Variants in IL16 observed in about 807,000 individuals in gnomAD.
The protein encoded by IL16 is interleukin 16.
In IL16, 67 loss-of-function variants were observed where a neutral mutation model predicts 110.1. That is an observed-to-expected ratio of 0.61 (90% CI 0.50 to 0.75). The LOEUF is 0.75. Among genes scored for constraint, IL16 ranks in the 30% least tolerant of loss-of-function variants. The pLI is 0.00. For missense variants in IL16, 1,545 were observed against 1,655.0 expected (o/e 0.93, Z 1.15); for synonymous variants, 689 against 662.9 (o/e 1.04, Z -0.61).
In IL16 at chr15:81,279,642, C is replaced by T. The variant is rs759681017; in HGVS notation, c.949C>T (p.Leu317=). 1 of 1,614,262 alleles carries T rather than the reference C, an allele frequency of 6.2e-7. No homozygotes were observed. Among genetic ancestry groups the T allele is most frequent in the Non-Finnish European group, 8.5e-7 (1 of 1,180,046 alleles). ...PSLCSHLSPP[L]CRSLSSSTCI... ...CCTGTGCAGCCACCTGTCTCCCCCA[C>T]TGTGCCGCTCCCTGAGCTCCAGCAC... The change falls in exon 8 of 19, where the codon CTG becomes TTG. Residue 317 remains leucine, a synonymous_variant. Transcript: ENST00000683961.
intron 3 of IL16, 134 bp from the exon 4 acceptor site, chr15:81,265,525 C>T (rs957204290): frequency 9.0e-5 from 82 of 912,574 alleles, no homozygotes; most frequent in Non-Finnish European, 1.3e-4. Context: ...CCCCACCACG[C>T]ACCTGGCACA....
intron 11 of IL16, among the ~76,000 whole-genome samples, chr15:81,291,625 G>C (rs1051226009): frequency 2.0e-5 from 3 of 152,088 alleles, no homozygotes; most frequent in Non-Finnish European, 2.9e-5. Flanking sequence ...TTTAGGAAAG[G>C]GGCACCCTTG....
intron 2 of IL16, among the ~76,000 whole-genome samples, chr15:81,227,413 A>C (rs1896824913): frequency 1.3e-5 from 2 of 152,194 alleles, no homozygotes; most frequent in African/African-American, 4.8e-5. Flanking sequence ...CAAGGACCTG[A>C]ATGAAGTGGA....
chr15:81,246,374 A>G (rs1000702962), intron 2 of IL16, among the ~76,000 whole-genome samples: 9 of 152,010 alleles, frequency 5.9e-5, no homozygotes, highest in African/African-American at 1.2e-4. Flanking sequence ...TTACTTTTCT[A>G]TTCTCTCTTT....
intron 1 of IL16, among the ~76,000 whole-genome samples, chr15:81,189,836 C>A (rs566824047): frequency 7.2e-5 from 11 of 152,338 alleles, no homozygotes; most frequent in Non-Finnish European, 1.0e-4. Context: ...CTTATTGAGT[C>A]AGTCATGTCA....
chr15:81,292,054 TG>T, intron 11 of IL16: 2 of 444,332 alleles, frequency 4.5e-6, no homozygotes, highest in South Asian at 3.1e-5. Flanking sequence ...AGGACGGAGC[TG>T]AGGTGCACAC....
chr15:81,209,843 A>T (rs1447948646), intron 1 of IL16, among the ~76,000 whole-genome samples: 1 of 152,140 alleles, frequency 6.6e-6, no homozygotes, highest in African/African-American at 2.4e-5. Context: ...GGCTCCAGCA[A>T]TGCCATGGTT....
Position 81,303,373 on chromosome 15 carries a change from G to T in IL16, c.3319-176G>T. On this transcript the variant is annotated intron_variant, in intron 15 of 18. Coordinates refer to ENST00000683961, the MANE Select transcript of IL16 (RefSeq NM_172217.5). This position sits in a 1 kb window ranked among gnomAD's most constrained non-coding sequence, Gnocchi z 4.1. ...TTTTTTTTTCTTCTAAGCTTCCCAT[G>T]ACTCCTGAAGGTCCATTCTTTACAG... is the stretch of plus-strand genomic sequence containing the variant. 3.5e-6 allele frequency: 2 copies of T among 570,470 alleles called. No individual in the cohort carries two copies. Among genetic ancestry groups the T allele is most frequent in the Non-Finnish European group, 6.3e-6 (2 of 317,672 alleles). 35.3% of individuals were successfully genotyped at this position (570,470 alleles called of 1,614,324 possible). A position where few individuals can be genotyped will look rare whatever the true frequency, so the allele number is the denominator to read the frequency against.
In IL16 at chr15:81,279,668, T is replaced by G. The variant is rs1899081015; in HGVS notation, c.975T>G (p.Thr325=). The change falls in exon 8 of 19, where the codon ACT becomes ACG. Residue 325 remains threonine, a synonymous_variant. Coordinates refer to ENST00000683961, the MANE Select transcript of IL16 (RefSeq NM_172217.5). ...PPLCRSLSSS[T]CITKDSSSFA... ...TGTGCCGCTCCCTGAGCTCCAGCACTTGTATCACCAAGGACAGCAGCTCCT... is the reference window on the plus strand; with the variant it reads ...TGTGCCGCTCCCTGAGCTCCAGCACGTGTATCACCAAGGACAGCAGCTCCT... The G allele has an allele frequency of 6.2e-7, 1 of 1,614,116 alleles. No homozygotes were observed. Among genetic ancestry groups the G allele is most frequent in the Non-Finnish European group, 8.5e-7 (1 of 1,180,046 alleles).
chr15:81,307,575 A>G (rs1308481739), intron 18 of IL16, among the ~76,000 whole-genome samples: 1 of 152,210 alleles, frequency 6.6e-6, no homozygotes, highest in Non-Finnish European at 1.5e-5. Context: ...GTCAATTTGG[A>G]AGGAGCATTG....
chr15:81,215,995 G>C (rs765324780), intron 1 of IL16, among the ~76,000 whole-genome samples: 16 of 152,250 alleles, frequency 1.1e-4, no homozygotes, highest in Non-Finnish European at 1.9e-4. Flanking sequence ...ACCTGCTCCT[G>C]CAGGGTGGCT....
At chr15:81,226,122 T>G (rs943130918) in intron 2 of IL16, among the ~76,000 whole-genome samples, 2 of 152,218 alleles carry the variant, frequency 1.3e-5, no homozygotes, top group Admixed American at 6.5e-5. Context: ...GGAGGCCTTA[T>G]GGCAAGCAAG....
At chr15:81,192,533 A>G (rs1895514331), upstream of IL16, among the ~76,000 whole-genome samples, 1 of 152,186 alleles carries the variant, frequency 6.6e-6, no homozygotes, top group South Asian at 2.1e-4. Flanking sequence ...TGCTTGAGCC[A>G]GGAGTTTAAG....
chr15:81,296,923 C>G lies in IL16; in HGVS notation c.1903-5C>G, dbSNP rs759090105. The G allele has an allele frequency of 3.1e-6, 5 of 1,605,756 alleles. No individual in the cohort carries two copies. Among genetic ancestry groups the G allele is most frequent in the Non-Finnish European group, 4.3e-6 (5 of 1,175,768 alleles). On this transcript the variant is annotated splice_polypyrimidine_tract_variant and splice_region_variant and intron_variant, in intron 12 of 18. Coordinates refer to ENST00000683961, the MANE Select transcript of IL16 (RefSeq NM_172217.5). ...ACATGGTCTCGCTTCCTGTTTACACCACAGGAAGCGAGAGAGCTGCTGCCA... is the reference window on the plus strand; with the variant it reads ...ACATGGTCTCGCTTCCTGTTTACACGACAGGAAGCGAGAGAGCTGCTGCCA...
At chr15:81,200,604 C>T (rs1203043363) in intron 1 of IL16, among the ~76,000 whole-genome samples, 2 of 152,076 alleles carry the variant, frequency 1.3e-5, no homozygotes, top group South Asian at 2.1e-4. Context: ...CTCTTGAGCT[C>T]GAGTGATCTG....
At chr15:81,243,771 G>A (rs1023526883) in intron 2 of IL16, among the ~76,000 whole-genome samples, 1 of 152,078 alleles carries the variant, frequency 6.6e-6, no homozygotes, top group Non-Finnish European at 1.5e-5. Context: ...TTTCATATTT[G>A]TAGAGTTGTG....
chr15:81,260,942 T>G (rs537316215), intron 3 of IL16, among the ~76,000 whole-genome samples: 16 of 152,270 alleles, frequency 1.1e-4, no homozygotes, highest in Admixed American at 3.9e-4. Flanking sequence ...AGTTTAAGGC[T>G]TTTTATCTGT....
chr15:81,189,464 G>A (rs576846089), intron 1 of IL16, among the ~76,000 whole-genome samples: 2 of 152,108 alleles, frequency 1.3e-5, no homozygotes, highest in Non-Finnish European at 2.9e-5. Context: ...TGTAGGGACA[G>A]AGTCTTGCTG....
At chr15:81,272,193 A>G (rs1332716674) in intron 5 of IL16, among the ~76,000 whole-genome samples, 1 of 152,254 alleles carries the variant, frequency 6.6e-6, no homozygotes, top group Non-Finnish European at 1.5e-5. Flanking sequence ...ATTAGACTCA[A>G]GCTATGCCCT....
Sources: allele counts gnomAD v4.1 joint callset (sites outside exome capture counted in the v4.1 genomes callset), GRCh38; gene constraint gnomAD v4.1.1; non-coding constraint Gnocchi (gnomAD v3.1); transcripts MANE v1.5; gene names NCBI Gene and HGNC (gene_info 2026-07-23, HGNC 2026-07-21).